The following PTPRT variants were observed in gnomAD, a reference collection of about 807,000 sequenced individuals.
PTPRT encodes receptor-type tyrosine-protein phosphatase T.
Under a neutral mutation model 176.8 loss-of-function variants are expected in PTPRT, and 56 were observed. That is an observed-to-expected ratio of 0.32 (90% CI 0.26 to 0.40). The LOEUF (loss-of-function observed/expected upper bound fraction) is 0.40. Ranked by LOEUF, PTPRT falls within the 10% of genes least tolerant of loss-of-function variation. The pLI is 1.00. For synonymous variants in PTPRT, 783 were observed against 739.0 expected (o/e 1.06, Z -0.96); for missense variants, 1,540 against 1,908.2 (o/e 0.81, Z 3.60).
chr20:42,430,509 C>T lies in PTPRT; in HGVS notation c.1560+17711G>A, dbSNP rs917623054. ...GAGAGGTTCAGCTTGAGAGGCCCAA[C>T]TGCTTCAACCTCTTCTTCTGCAGGT... is the stretch of plus-strand genomic sequence containing the variant. On this transcript the variant is annotated intron_variant, in intron 9 of 30. Transcript: ENST00000373187. 6.6e-5 allele frequency among the ~76,000 whole-genome samples: 10 copies of T among 152,302 alleles called. No individual in the cohort carries two copies. In the South Asian group the frequency reaches 1.9e-3, roughly 28 times the overall value.
At chr20:43,057,357 A>G in intron 1 of PTPRT, among the ~76,000 whole-genome samples, 1 of 117,298 alleles carries the variant, frequency 8.5e-6, no homozygotes, top group Non-Finnish European at 1.7e-5. Context: ...GAAAGGAAGG[A>G]AGGGCAGGGA....
At chr20:43,111,075 A>G (rs1309223659) in intron 1 of PTPRT, among the ~76,000 whole-genome samples, 1 of 152,172 alleles carries the variant, frequency 6.6e-6, no homozygotes, top group East Asian at 1.9e-4. Flanking sequence ...GAAAGGAAAC[A>G]TGAGTTATCG....
At chr20:43,055,351 C>T (rs1987194488) in intron 1 of PTPRT, among the ~76,000 whole-genome samples, 1 of 152,326 alleles carries the variant, frequency 6.6e-6, no homozygotes, top group South Asian at 2.1e-4. Context: ...CCTTCAGTTC[C>T]TGTCAACTAA....
At chr20:42,425,902 G>C (rs4812598) in intron 9 of PTPRT, among the ~76,000 whole-genome samples, 124,544 of 152,052 alleles carry the variant, frequency 0.82, 51,174 homozygotes, top group Admixed American at 0.86. Flanking sequence ...AGGTAAAGAG[G>C]AGCTTCTGGA....
intron 5 of PTPRT, among the ~76,000 whole-genome samples, chr20:42,765,524 C>A (rs1017112894): frequency 1.1e-4 from 16 of 151,904 alleles, no homozygotes; most frequent in African/African-American, 3.9e-4. Flanking sequence ...TTTTTAATAG[C>A]ATTTTGTTTA....
rs113990611 is a variant in PTPRT, at chr20:42,414,130, C to T, written c.1560+34090G>A. Reference sequence around the variant, plus strand: ...TACAGGTATGAGCCACTGTGCCCGGCCAAGACTTTGTTTACTGTCTACAGA... The same window carrying T: ...TACAGGTATGAGCCACTGTGCCCGGTCAAGACTTTGTTTACTGTCTACAGA... On this transcript the variant is annotated intron_variant, in intron 9 of 30. Coordinates refer to ENST00000373187, the MANE Select transcript of PTPRT (RefSeq NM_007050.6). Among the ~76,000 whole-genome samples the T allele has an allele frequency of 2.8e-3, 421 of 152,270 alleles. 5 individuals carry two copies. The highest frequency in any genetic ancestry group is 9.5e-3 in the African/African-American group (393 of 41,554).
the PTPRT span, among the ~76,000 whole-genome samples, chr20:42,036,861 G>T: frequency 6.6e-6 from 1 of 152,166 alleles, no homozygotes; most frequent in African/African-American, 2.4e-5. Flanking sequence ...TTGCATATCA[G>T]CAGAAAGAAG....
chr20:42,514,498 T>A (rs1002397255), intron 7 of PTPRT, among the ~76,000 whole-genome samples: 2 of 152,212 alleles, frequency 1.3e-5, no homozygotes, highest in African/African-American at 2.4e-5. Flanking sequence ...TCTAGATACT[T>A]ATTTGTTGCT....
chr20:42,264,482 A>T (rs2056806071), intron 13 of PTPRT, among the ~76,000 whole-genome samples: 1 of 152,158 alleles, frequency 6.6e-6, no homozygotes. Context: ...CCATATGAGT[A>T]GTTGCCCAGA....
At chr20:42,723,858 C>T (rs760706024) in intron 6 of PTPRT, among the ~76,000 whole-genome samples, 2 of 152,192 alleles carry the variant, frequency 1.3e-5, no homozygotes, top group African/African-American at 4.8e-5. Context: ...AATCCTTGCT[C>T]TCCTATCTGG....
the PTPRT span, among the ~76,000 whole-genome samples, chr20:42,063,092 A>G: frequency 6.6e-6 from 1 of 152,200 alleles, no homozygotes; most frequent in South Asian, 2.1e-4. Context: ...TCATATTCCT[A>G]GTTTCAGATC....
intron 7 of PTPRT, among the ~76,000 whole-genome samples, chr20:42,596,250 A>C (rs372655978): frequency 6.6e-6 from 1 of 152,186 alleles, no homozygotes; most frequent in Non-Finnish European, 1.5e-5. Context: ...CTCTGTCTCC[A>C]TGTCCCACCT....
chr20:42,919,144 C>A (rs963978095), intron 1 of PTPRT, among the ~76,000 whole-genome samples: 1 of 152,188 alleles, frequency 6.6e-6, no homozygotes, highest in African/African-American at 2.4e-5. Flanking sequence ...ACCAGGGACA[C>A]CCATCACCCC....
At chr20:42,900,817 G>A (rs1463157948) in intron 1 of PTPRT, among the ~76,000 whole-genome samples, 1 of 151,672 alleles carries the variant, frequency 6.6e-6, no homozygotes, top group African/African-American at 2.4e-5. Context: ...GTGCTAAAGG[G>A]TAGAAGCCTA....
chr20:42,853,205 T>G (rs2078505759), intron 2 of PTPRT, among the ~76,000 whole-genome samples: 1 of 152,304 alleles, frequency 6.6e-6, no homozygotes, highest in African/African-American at 2.4e-5. Flanking sequence ...TCAAGAAAAC[T>G]AAGCAGAAGC....
chr20:42,304,758 TAA>T (rs2057519260), intron 12 of PTPRT, among the ~76,000 whole-genome samples: 1 of 152,338 alleles, frequency 6.6e-6, no homozygotes, highest in South Asian at 2.1e-4. Context: ...AGGATTGATA[TAA>T]GAGGGACTAA....
At chr20:42,626,140 T>C (rs535244873) in intron 7 of PTPRT, among the ~76,000 whole-genome samples, 2 of 152,180 alleles carry the variant, frequency 1.3e-5, no homozygotes, top group African/African-American at 4.8e-5. Flanking sequence ...AAAATTCACA[T>C]AAAAGTCAAA....
intron 6 of PTPRT, among the ~76,000 whole-genome samples, chr20:42,734,703 T>C (rs1182963821): frequency 1.3e-5 from 2 of 152,242 alleles, no homozygotes; most frequent in East Asian, 3.8e-4. Context: ...ACTTGTTTCT[T>C]GTTCTCAGTT....
At chr20:42,840,868 A>G (rs1164391560) in intron 2 of PTPRT, among the ~76,000 whole-genome samples, 4 of 152,138 alleles carry the variant, frequency 2.6e-5, no homozygotes, top group South Asian at 2.1e-4. Flanking sequence ...CAGCATCCCC[A>G]CATATTTGGG....
Sources: allele counts gnomAD v4.1 joint callset (sites outside exome capture counted in the v4.1 genomes callset), GRCh38; gene constraint gnomAD v4.1.1; transcripts MANE v1.5; gene names NCBI Gene and HGNC (gene_info 2026-07-23, HGNC 2026-07-21).